The following MBD5 variants were observed in gnomAD, a reference collection of about 807,000 sequenced individuals.
MBD5 encodes the protein methyl-CpG-binding domain protein 5.
Under a neutral mutation model 117.3 loss-of-function variants are expected in MBD5, and 13 were observed. The ratio of observed to expected loss-of-function variants is 0.11; its 90% CI spans 0.07 to 0.18. The LOEUF is 0.18. MBD5 is among the 10% of genes least tolerant of loss of function. The pLI is 1.00. For missense variants in MBD5, 1,879 were observed against 2,093.8 expected (o/e 0.90, Z 2.00); for synonymous variants, 727 against 766.4 (o/e 0.95, Z 0.85).
chr2:148,287,473 A>T (rs1701391869), intron 3 of MBD5, among the ~76,000 whole-genome samples: 1 of 152,168 alleles, frequency 6.6e-6, no homozygotes, highest in Non-Finnish European at 1.5e-5. Flanking sequence ...TTTTATGCTG[A>T]TAGAACTTTT....
At chr2:148,184,968 C>T (rs6430299) in intron 2 of MBD5, among the ~76,000 whole-genome samples, 146,737 of 152,332 alleles carry the variant, frequency 0.96, 70,910 homozygotes, top group East Asian at 1. Flanking sequence ...ACCAGCTTTA[C>T]GGTTTAGTAG....
At chr2:148,268,527 C>T (rs1036655473) in intron 3 of MBD5, among the ~76,000 whole-genome samples, 6 of 151,050 alleles carry the variant, frequency 4.0e-5, no homozygotes, top group African/African-American at 1.2e-4. Context: ...TTTTTCATGT[C>T]GATTATTTTG....
chr2:148,022,034 G>A (rs1693759735), intron 1 of MBD5, among the ~76,000 whole-genome samples: 1 of 152,114 alleles, frequency 6.6e-6, no homozygotes, highest in African/African-American at 2.4e-5. Context: ...CTTTCTAGAT[G>A]TCACTTAAAA....
chr2:148,236,879 A>C (rs1700102885), intron 3 of MBD5, among the ~76,000 whole-genome samples: 1 of 152,226 alleles, frequency 6.6e-6, no homozygotes, highest in Non-Finnish European at 1.5e-5. Context: ...TGTTTAGCAT[A>C]GTCACCTTCA....
At chr2:148,433,721 G>A (rs1706065316) in intron 4 of MBD5, among the ~76,000 whole-genome samples, 1 of 152,106 alleles carries the variant, frequency 6.6e-6, no homozygotes, top group Admixed American at 6.6e-5. Context: ...TGGTGGATTA[G>A]CTTTTTGTTG....
At chr2:148,137,859 C>T (rs906175808) in intron 1 of MBD5, among the ~76,000 whole-genome samples, 4 of 152,108 alleles carry the variant, frequency 2.6e-5, no homozygotes, top group East Asian at 3.8e-4. Flanking sequence ...ACATGCTTCA[C>T]GGGTTTGTAG....
At chr2:148,156,237 A>T (rs936475618) in intron 1 of MBD5, among the ~76,000 whole-genome samples, 1 of 152,230 alleles carries the variant, frequency 6.6e-6, no homozygotes, top group African/African-American at 2.4e-5. Context: ...CTGACTTTAG[A>T]TTAAATTTAA....
At chr2:148,353,952 G>A (rs62183967) in intron 4 of MBD5, among the ~76,000 whole-genome samples, 15,104 of 151,682 alleles carry the variant, frequency 0.1, 964 homozygotes, top group African/African-American at 0.16. Flanking sequence ...TGTCCCATTC[G>A]CTATAGATAC....
At chr2:148,309,443 A>C (rs749661114) in intron 3 of MBD5, among the ~76,000 whole-genome samples, 1 of 151,944 alleles carries the variant, frequency 6.6e-6, no homozygotes, top group Non-Finnish European at 1.5e-5. Flanking sequence ...ACTCATGATT[A>C]GGCTGTCTGT....
intron 10 of MBD5, 107 bp from the exon 11 acceptor site, chr2:148,489,279 T>A: frequency 7.5e-7 from 1 of 1,331,328 alleles, no homozygotes; most frequent in Non-Finnish European, 1.1e-6. Context: ...TTTCCTTCCT[T>A]GTTAATATTT....
chr2:148,185,824 G>T (rs1251475857), intron 2 of MBD5, among the ~76,000 whole-genome samples: 1 of 152,268 alleles, frequency 6.6e-6, no homozygotes, highest in African/African-American at 2.4e-5. Flanking sequence ...TTGAGCCTAG[G>T]AGATCTTGAT....
At chr2:148,318,219 T>G (rs1170372131) in intron 3 of MBD5, among the ~76,000 whole-genome samples, 1 of 152,184 alleles carries the variant, frequency 6.6e-6, no homozygotes, top group Non-Finnish European at 1.5e-5. Flanking sequence ...ATGTTGAGCA[T>G]TTTTTCGTGT....
chr2:148,186,045 G>A (rs905104159), intron 2 of MBD5, among the ~76,000 whole-genome samples: 3 of 152,204 alleles, frequency 2.0e-5, no homozygotes, highest in African/African-American at 4.8e-5. Flanking sequence ...ACTGAGAAAA[G>A]GATGACTGGA....
intron 3 of MBD5, among the ~76,000 whole-genome samples, chr2:148,248,697 G>T (rs1408770884): frequency 6.6e-6 from 1 of 152,028 alleles, no homozygotes; most frequent in African/African-American, 2.4e-5. Flanking sequence ...CATTCCTGAG[G>T]AAGAAGAATA....
chr2:148,486,007 A>G, intron 10 of MBD5, 57 bp downstream of exon 10: 1 of 1,551,336 alleles, frequency 6.4e-7, no homozygotes, highest in Non-Finnish European at 8.9e-7. Context: ...TTGTTTAAAT[A>G]CTTAATTTGG....
intron 2 of MBD5, among the ~76,000 whole-genome samples, chr2:148,222,165 T>G (rs1392106860): frequency 6.6e-6 from 1 of 152,206 alleles, no homozygotes; most frequent in Non-Finnish European, 1.5e-5. Flanking sequence ...ACTATAGCTC[T>G]GTAGTATAAT....
intron 1 of MBD5, among the ~76,000 whole-genome samples, chr2:148,166,964 G>T (rs1558955555): frequency 1.3e-5 from 2 of 151,670 alleles, no homozygotes; most frequent in African/African-American, 4.8e-5. Flanking sequence ...TTTTGTTTCT[G>T]TTTTTTTGAT....
At chr2:148,093,278 C>T (rs1045679599) in intron 1 of MBD5, among the ~76,000 whole-genome samples, 2 of 152,182 alleles carry the variant, frequency 1.3e-5, no homozygotes, top group Non-Finnish European at 2.9e-5. Context: ...AAAGTAATCT[C>T]ATAGGAGGCT....
intron 1 of MBD5, among the ~76,000 whole-genome samples, chr2:148,174,036 A>G (rs1698325038): frequency 6.6e-6 from 1 of 152,202 alleles, no homozygotes; most frequent in Admixed American, 6.5e-5. Context: ...CCTGAATTCA[A>G]ATTGTACTAC....
Sources: gnomAD v4.1 joint callset for allele counts (sites outside exome capture counted in the v4.1 genomes callset) on GRCh38, gnomAD v4.1.1 for gene constraint, MANE v1.5 for transcripts, NCBI Gene and HGNC (gene_info 2026-07-23, HGNC 2026-07-21) for gene names.